AVIL: variants seen among roughly 807,000 people sequenced by gnomAD.
AVIL encodes advillin.
A neutral mutation model predicts 109.9 loss-of-function variants in AVIL; 78 were observed. The ratio of observed to expected loss-of-function variants is 0.71; its 90% CI spans 0.59 to 0.86. The LOEUF is 0.86. Ranked by LOEUF, AVIL falls within the 40% of genes least tolerant of loss-of-function variation. The probability of loss-of-function intolerance (pLI) is 0.00; values close to 1 mark genes in which losing one functional copy is unlikely to be tolerated. For missense variants in AVIL, 892 were observed against 1,016.5 expected (o/e 0.88, Z 1.67); for synonymous variants, 367 against 379.1 (o/e 0.97, Z 0.37).
chr12:57,808,094 GAAAGC>G lies in AVIL; in HGVS notation c.1194+95_1194+99del. 2.2e-6 allele frequency: 3 copies of G among 1,383,922 alleles called. No individual in the cohort carries two copies. The Admixed American group carries it at 5.1e-5, about 24-fold the overall frequency. 85.7% of individuals were successfully genotyped at this position (1,383,922 alleles called of 1,614,324 possible). A position where few individuals can be genotyped will look rare whatever the true frequency, so the allele number is the denominator to read the frequency against. On this transcript the variant is annotated intron_variant, in intron 11 of 19. Coordinates refer to ENST00000549994, the MANE Select transcript of AVIL (RefSeq NM_006576.4). ...CTCCTGAGGTGCCGGAGGGGAAAGG[GAAAGC>G]AAAGCAGACACAGAATCACCTGCAC...
chr12:57,808,669 G>T, intron 9 of AVIL, 121 bp from the exon 10 acceptor site: 1 of 1,211,138 alleles, frequency 8.3e-7, no homozygotes, highest in Non-Finnish European at 1.1e-6. Flanking sequence ...GGGAGTCAGA[G>T]TCAAATTCTA....
At chr12:57,798,392 A>C (rs1394507491) in intron 19 of AVIL, among the ~76,000 whole-genome samples, 1 of 152,208 alleles carries the variant, frequency 6.6e-6, no homozygotes, top group Non-Finnish European at 1.5e-5. Flanking sequence ...TTTCAAATGC[A>C]TGATCGGGTG....
intron 1 of AVIL, 114 bp from the exon 2 acceptor site, chr12:57,816,173 C>A: frequency 1.3e-6 from 1 of 797,660 alleles, no homozygotes; most frequent in Non-Finnish European, 2.0e-6. Flanking sequence ...GCCACACCCT[C>A]ATGGTGCATC....
intron 18 of AVIL, 77 bp from the exon 19 acceptor site, chr12:57,799,997 T>C: frequency 6.4e-7 from 1 of 1,550,428 alleles, no homozygotes; most frequent in Non-Finnish European, 8.8e-7. Context: ...ATGTGTATAA[T>C]ATTTAACATT....
At chr12:57,804,502 T>G (rs553116333) in intron 14 of AVIL, 3 of 152,326 alleles carry the variant, frequency 2.0e-5, no homozygotes, top group African/African-American at 7.2e-5. Flanking sequence ...ATACGGTAAG[T>G]GTATGTTTAA....
chr12:57,816,030 G>A lies in AVIL; in HGVS notation c.11C>T (p.Thr4Ile). The change falls in exon 2 of 20, where the codon ACC becomes ATC. Residue 4 changes from threonine (T) to isoleucine (I), a missense_variant. By Grantham distance (89) the Thr-to-Ile change is moderately conservative. Coordinates refer to ENST00000549994, the MANE Select transcript of AVIL (RefSeq NM_006576.4). MPL[T>I]SAFRAVDNDP... ...GTTGTCCACAGCCCTGAAGGCACTG[G>A]TCAGAGGCATGATGCTTGTCTTTCC... 6.2e-7 allele frequency: 1 copy of A among 1,613,554 alleles called. No homozygotes were observed. Among genetic ancestry groups the A allele is most frequent in the Non-Finnish European group, 8.5e-7 (1 of 1,179,808 alleles).
At position 57,806,348 on chromosome 12, in the gene AVIL, C is replaced by T. The variant is rs771916309; in HGVS notation, c.1671+12G>A. ...CGAGGGGCTGGTCTGACCCGGGGCC[C>T]AGCCATCCTACCTTGCCATACCACA... is the stretch of plus-strand genomic sequence containing the variant. On this transcript the variant is annotated intron_variant, in intron 14 of 19. Transcript: ENST00000549994. The T allele has an allele frequency of 2.5e-6, 4 of 1,613,910 alleles. No individual in the cohort carries two copies. The Admixed American group carries it at 6.7e-5, about 27-fold the overall frequency.
Position 57,808,458 on chromosome 12 carries a change from G to T in AVIL, c.1030C>A (p.Gln344Lys), listed in dbSNP as rs775288458. 1 of 1,614,154 alleles carries T rather than the reference G, an allele frequency of 6.2e-7. No individual in the cohort carries two copies. The highest frequency in any genetic ancestry group is 1.7e-5 in the Admixed American group (1 of 60,024). Residue 344 changes from glutamine to lysine, a missense_variant, in exon 10 of 20, where the codon CAG becomes AAG. Gln to Lys is a moderately conservative substitution (Grantham distance 53, BLOSUM62 1). Coordinates refer to ENST00000549994, the MANE Select transcript of AVIL (RefSeq NM_006576.4). ...GTCTGGTCCTTTACTGACCACTTCT[G>T]GAACAGCTGCTTGAACATGGCCGAC... Reference protein sequence around the residue: ...AESAMFKQLFQKWSVKDQTMG... With the variant: ...AESAMFKQLFKKWSVKDQTMG...
At position 57,810,451 on chromosome 12, in the gene AVIL, A is replaced by G. The variant is rs768173126; in HGVS notation, c.659T>C (p.Met220Thr). ...GCCAAGGGTGTCCTGAAGGACCTTC[A>G]TCAGCTCTGGGCTGGCTGCCTCCTT... ...GDKEAASPEL[M>T]KVLQDTLGRR... Residue 220 changes from methionine to threonine, a missense_variant, in exon 7 of 20, where the codon ATG (methionine) becomes ACG (threonine). By Grantham distance (81) the Met-to-Thr change is moderately conservative (BLOSUM62 -1). Coordinates refer to ENST00000549994, the MANE Select transcript of AVIL (RefSeq NM_006576.4). 3 of 1,614,192 alleles carry G rather than the reference A, an allele frequency of 1.9e-6. No individual in the cohort carries two copies. The highest frequency in any genetic ancestry group is 2.5e-6 in the Non-Finnish European group (3 of 1,180,048).
intron 11 of AVIL, 194 bp from the exon 12 acceptor site, chr12:57,807,921 G>C: frequency 1.1e-6 from 1 of 878,858 alleles, no homozygotes; most frequent in South Asian, 1.4e-5. Context: ...GGGCCATCCT[G>C]TTCAGGAGCA....
At position 57,815,960 on chromosome 12, in the gene AVIL, T is replaced by C. The variant is rs1244389313; in HGVS notation, c.66+15A>G. On this transcript the variant is annotated intron_variant, in intron 2 of 19. Transcript: ENST00000549994. Reference sequence around the variant, plus strand: ...TGCCAGTGGTCACAAGTAAGGTGCCTCCAGCCCAGCTCACCTCTATTCTCC... The same window carrying C: ...TGCCAGTGGTCACAAGTAAGGTGCCCCCAGCCCAGCTCACCTCTATTCTCC... 1 of 1,614,014 alleles carries C rather than the reference T, an allele frequency of 6.2e-7. No homozygotes were observed.
chr12:57,817,768 CG>C (rs1219854565), intron 1 of AVIL, among the ~76,000 whole-genome samples: 1 of 152,058 alleles, frequency 6.6e-6, no homozygotes, highest in Non-Finnish European at 1.5e-5. Flanking sequence ...CCAGGCACCC[CG>C]AATGCGAGAG....
At chr12:57,800,113 G>T in intron 18 of AVIL, 193 bp from the exon 19 acceptor site, 1 of 726,686 alleles carries the variant, frequency 1.4e-6, no homozygotes, top group Non-Finnish European at 2.1e-6. Context: ...CAGATTTTGG[G>T]GTTGTTCTTG....
chr12:57,799,863 G>A lies in AVIL; in HGVS notation c.2278C>T (p.Pro760Ser), dbSNP rs1955811403. ...NSNDSEPKYY[P>S]IAVLLKNQNQ... ...TGGTTTTTCAACAGAACTGCTATAG[G>A]GTAATATTTTGGCTCACTGTCATTA... Residue 760 changes from proline to serine, a missense_variant, in exon 19 of 20, where the codon CCT (proline) becomes TCT (serine). Physicochemically the swap from Pro to Ser is moderately conservative, Grantham distance 74 (BLOSUM62 -1). Transcript: ENST00000549994. The A allele has an allele frequency of 6.2e-7, 1 of 1,613,942 alleles. No homozygotes were observed. The highest frequency in any genetic ancestry group is 1.1e-5 in the South Asian group (1 of 91,084).
rs1219682419 is a variant in AVIL, at chr12:57,799,932, A to G, written c.2221-12T>C. On this transcript the variant is annotated splice_polypyrimidine_tract_variant and intron_variant, in intron 18 of 19. Transcript: ENST00000549994. ...GCATTCTTCATGTCCTAGGTAAGAT[A>G]AGAATGTAGGCACAGGGAAAAGACT... is the stretch of plus-strand genomic sequence containing the variant. 8 of 1,614,054 alleles carry G rather than the reference A, an allele frequency of 5.0e-6. No homozygotes were observed. Among genetic ancestry groups the G allele is most frequent in the Non-Finnish European group, 6.8e-6 (8 of 1,179,914 alleles).
rs113363824 is a variant in AVIL at position 57,806,627 on chromosome 12, T to G, written c.1492-88A>C. ...GCTGTTGTGGGAAACGTGAATGTTA[T>G]AGTATTATGTTTGCCCTTGAGGAGC... On this transcript the variant is annotated intron_variant, in intron 13 of 19. Coordinates refer to ENST00000549994, the MANE Select transcript of AVIL (RefSeq NM_006576.4). The G allele has an allele frequency of 4.8e-6, 7 of 1,457,634 alleles. No homozygotes were observed. In the African/African-American group the frequency reaches 5.6e-5, roughly 12 times the overall value. The allele number at this position is 1,457,634 out of a possible 1,614,324, so 90.3% of individuals were successfully genotyped here.
At position 57,808,499 on chromosome 12, in the gene AVIL, A is replaced by G. The variant is rs529351135; in HGVS notation, c.989T>C (p.Val330Ala). 1.9e-6 allele frequency: 3 copies of G among 1,614,124 alleles called. No individual in the cohort carries two copies. In the South Asian group the frequency reaches 3.3e-5, roughly 18 times the overall value. ...CATGGCCGACTCAGCACCATCGTTG[A>G]CGGTCTCCACATTGGTGCTGCTGGG... ...SYPSSTNVETVNDGAESAMFK... is the reference protein window; with the variant it reads ...SYPSSTNVETANDGAESAMFK... Residue 330 changes from valine (V) to alanine (A), a missense_variant, in exon 10 of 20, where the codon GTC (valine) becomes GCC (alanine). Coordinates refer to ENST00000549994, the MANE Select transcript of AVIL (RefSeq NM_006576.4).
chr12:57,815,593 G>A, intron 2 of AVIL: 3 of 1,271,898 alleles, frequency 2.4e-6, no homozygotes, highest in African/African-American at 1.5e-5. Flanking sequence ...CCCATATTTT[G>A]TAGGAGCCAG....
intron 16 of AVIL, chr12:57,802,777 A>G (rs1955876701): frequency 6.8e-6 from 4 of 585,796 alleles, no homozygotes; most frequent in South Asian, 2.2e-5. Flanking sequence ...CCCCATATCC[A>G]ATGAGTCACC....
Sources: gnomAD v4.1 joint callset for allele counts (sites outside exome capture counted in the v4.1 genomes callset) on GRCh38, gnomAD v4.1.1 for gene constraint, MANE v1.5 for transcripts, NCBI Gene and HGNC (gene_info 2026-07-23, HGNC 2026-07-21) for gene names.